LMO7: variants seen among roughly 807,000 people sequenced by gnomAD.
LMO7 encodes LIM domain 7.
Under a neutral mutation model 206.5 loss-of-function variants are expected in LMO7, and 120 were observed. That is an observed-to-expected ratio of 0.58 (90% CI 0.50 to 0.68). The LOEUF (loss-of-function observed/expected upper bound fraction) is 0.68. LMO7 is among the 30% of genes least tolerant of loss of function. The probability of loss-of-function intolerance (pLI) is 0.00; values close to 1 mark genes in which losing one functional copy is unlikely to be tolerated. For missense variants in LMO7, 1,959 were observed against 1,957.9 expected (o/e 1.00, Z -0.01); for synonymous variants, 706 against 681.5 (o/e 1.04, Z -0.56).
intron 4 of LMO7, among the ~76,000 whole-genome samples, chr13:75,783,325 T>C (rs1201204474): frequency 6.6e-6 from 1 of 152,168 alleles, no homozygotes; most frequent in African/African-American, 2.4e-5. Context: ...AGATCTGATA[T>C]GTTCCTTTTT....
chr13:75,781,879 G>T (rs1437543739), intron 4 of LMO7, among the ~76,000 whole-genome samples: 6 of 152,178 alleles, frequency 3.9e-5, no homozygotes, highest in Non-Finnish European at 8.8e-5. Context: ...GATGGCCAGT[G>T]ATGATGAGCA....
intron 7 of LMO7, among the ~76,000 whole-genome samples, chr13:75,803,648 G>A (rs1023336763): frequency 3.3e-5 from 5 of 152,270 alleles, no homozygotes; most frequent in South Asian, 4.2e-4. Context: ...ATAATACAGC[G>A]TTCCCAATAT....
chr13:75,832,646 G>A (rs558921255), intron 15 of LMO7, among the ~76,000 whole-genome samples: 57 of 152,214 alleles, frequency 3.7e-4, no homozygotes, highest in African/African-American at 1.3e-3. Flanking sequence ...CCAAGTATTG[G>A]GAGTAGGTGT....
intron 3 of LMO7, among the ~76,000 whole-genome samples, chr13:75,743,929 T>A (rs1055748775): frequency 1.4e-4 from 21 of 152,334 alleles, no homozygotes; most frequent in African/African-American, 4.8e-4. Context: ...TTTTGTAATG[T>A]CTATTTTACT....
Position 75,636,510 on chromosome 13 carries a change from A to G in LMO7, c.-148A>G. On this transcript the variant is annotated 5_prime_UTR_variant, in exon 1 of 31. Coordinates refer to ENST00000377534, the MANE Select transcript of LMO7 (RefSeq NM_001306080.2). The stretch of plus-strand genomic sequence containing the variant: ...CGAACTGCAGAGCGCAACAAAGGGA[A>G]CTAGAGCCCCGGCGCCTTCGCAGCC... The G allele has an allele frequency of 6.7e-7, 1 of 1,500,220 alleles. No homozygotes were observed. The highest frequency in any genetic ancestry group is 8.8e-7 in the Non-Finnish European group (1 of 1,132,806). 92.9% of individuals were successfully genotyped at this position (1,500,220 alleles called of 1,614,324 possible).
At chr13:75,756,907 G>A (rs1201198132) in intron 3 of LMO7, among the ~76,000 whole-genome samples, 1 of 152,156 alleles carries the variant, frequency 6.6e-6, no homozygotes, top group African/African-American at 2.4e-5. Flanking sequence ...ACATGGTTGG[G>A]ACATGAATCA....
intron 27 of LMO7, among the ~76,000 whole-genome samples, chr13:75,850,118 T>TA (rs1169024750): frequency 6.6e-6 from 1 of 151,538 alleles, no homozygotes; most frequent in Admixed American, 6.6e-5. Context: ...AGACTCTGTA[T>TA]AAAAAAAGAA....
intron 4 of LMO7, among the ~76,000 whole-genome samples, chr13:75,777,866 C>T (rs965825068): frequency 2.0e-5 from 3 of 152,002 alleles, no homozygotes; most frequent in African/African-American, 7.2e-5. Context: ...AGGATGGTCT[C>T]GATCTCCTGA....
Position 75,807,850 on chromosome 13 carries a change from C to G in LMO7, c.1567C>G (p.Pro523Ala), listed in dbSNP as rs1477849070. ...AGATGATATGATTGTTCGCCGAATT[C>G]CAGCACAGAAGAAAGAAGTGCCGCT... is the stretch of plus-strand genomic sequence containing the variant. ...EKDDMIVRRI[P>A]AQKKEVPLSG... Residue 523 changes from proline (P) to alanine (A), a missense_variant, in exon 10 of 31, where the codon CCA (proline) becomes GCA (alanine). Physicochemically the swap from Pro to Ala is conservative, Grantham distance 27. Transcript: ENST00000377534. 6.2e-7 allele frequency: 1 copy of G among 1,613,736 alleles called. No individual in the cohort carries two copies. Among genetic ancestry groups the G allele is most frequent in the Non-Finnish European group, 8.5e-7 (1 of 1,179,816 alleles).
chr13:75,806,019 T>C (rs767804259), intron 9 of LMO7: 27 of 1,203,224 alleles, frequency 2.2e-5, no homozygotes, highest in Non-Finnish European at 2.8e-5. Context: ...ATTCTTTGTC[T>C]CATTCCCTCT....
intron 26 of LMO7, among the ~76,000 whole-genome samples, chr13:75,846,314 G>A (rs899336983): frequency 1.3e-5 from 2 of 152,130 alleles, no homozygotes; most frequent in African/African-American, 4.8e-5. Flanking sequence ...TGAGCAGTTA[G>A]GACCTTTGTT....
chr13:75,849,418 A>G (rs889094003), intron 27 of LMO7, 126 bp downstream of exon 27: 6 of 666,022 alleles, frequency 9.0e-6, no homozygotes, highest in South Asian at 1.9e-5. Flanking sequence ...GGGCACTATT[A>G]TGTGTCAGTT....
At chr13:75,736,221 A>G (rs2045810465) in intron 3 of LMO7, among the ~76,000 whole-genome samples, 1 of 152,246 alleles carries the variant, frequency 6.6e-6, no homozygotes, top group South Asian at 2.1e-4. Context: ...TTAAATAGGA[A>G]TATTTTTCGA....
At chr13:75,798,125 C>T (rs1401545210) in intron 6 of LMO7, among the ~76,000 whole-genome samples, 1 of 152,126 alleles carries the variant, frequency 6.6e-6, no homozygotes, top group Non-Finnish European at 1.5e-5. Flanking sequence ...AATCCCAGCA[C>T]TTTGGGAGGC....
chr13:75,837,636 G>T (rs2059235560), intron 19 of LMO7, among the ~76,000 whole-genome samples: 1 of 152,090 alleles, frequency 6.6e-6, no homozygotes, highest in Non-Finnish European at 1.5e-5. Flanking sequence ...AAAAATTCTA[G>T]TTAGAAGGTG....
intron 1 of LMO7, among the ~76,000 whole-genome samples, chr13:75,670,724 G>C (rs1263630897): frequency 6.6e-6 from 1 of 152,110 alleles, no homozygotes; most frequent in African/African-American, 2.4e-5. Context: ...AAAGGCCTAG[G>C]ACATTACTGT....
At chr13:75,712,856 A>G (rs894326420) in intron 1 of LMO7, among the ~76,000 whole-genome samples, 1 of 152,188 alleles carries the variant, frequency 6.6e-6, no homozygotes, top group Admixed American at 6.5e-5. Context: ...TAGATCACCC[A>G]TAGGTTTTTA....
intron 1 of LMO7, among the ~76,000 whole-genome samples, chr13:75,704,342 T>C (rs1594388086): frequency 6.6e-6 from 1 of 152,352 alleles, no homozygotes; most frequent in African/African-American, 2.4e-5. Context: ...TATTTTTGTT[T>C]CTCATTACTA....
At chr13:75,641,987 A>G (rs1411568949) in intron 1 of LMO7, among the ~76,000 whole-genome samples, 2 of 152,106 alleles carry the variant, frequency 1.3e-5, no homozygotes, top group Non-Finnish European at 2.9e-5. Context: ...GCAGTGTTTT[A>G]TAATTTCTTG....
Sources: gnomAD v4.1 joint callset for allele counts (sites outside exome capture counted in the v4.1 genomes callset) on GRCh38, gnomAD v4.1.1 for gene constraint, MANE v1.5 for transcripts, NCBI Gene and HGNC (gene_info 2026-07-23, HGNC 2026-07-21) for gene names.